Variants in PRIM2 observed in about 807,000 individuals in gnomAD.
The protein encoded by PRIM2 is DNA primase large subunit.
A neutral mutation model predicts 67.3 loss-of-function variants in PRIM2; 39 were observed. The ratio of observed to expected loss-of-function variants is 0.58; its 90% CI spans 0.45 to 0.76. The LOEUF (loss-of-function observed/expected upper bound fraction) is 0.76, where lower values mean the gene tolerates loss of function less well. Among genes scored for constraint, PRIM2 ranks in the 30% least tolerant of loss-of-function variants. PRIM2 has a pLI of 0.00. For missense variants in PRIM2, 398 were observed against 598.7 expected (o/e 0.66, Z 3.50); for synonymous variants, 143 against 198.7 (o/e 0.72, Z 2.36).
At chr6:57,553,025 G>A (rs1414400289) in intron 10 of PRIM2, among the ~76,000 whole-genome samples, 1 of 152,134 alleles carries the variant, frequency 6.6e-6, no homozygotes, top group African/African-American at 2.4e-5. Context: ...TTGTCAGAAT[G>A]AGTAAATATG....
rs1174627239 is a variant in PRIM2, at chr6:57,563,138, A to G, written c.1020+25513A>G. Among the ~76,000 whole-genome samples the G allele has an allele frequency of 3.3e-5, 5 of 152,148 alleles. No homozygotes were observed. The East Asian group carries it at 9.6e-4, about 29-fold the overall frequency. On this transcript the variant is annotated intron_variant, in intron 10 of 13. Transcript: ENST00000615550. ...CTCTATGTATAGTAAATTGACCATA[A>G]TATTAAGAGCTTTCCAGTATAGCCT...
At chr6:57,558,413 G>A (rs1438892005) in intron 10 of PRIM2, among the ~76,000 whole-genome samples, 3 of 152,116 alleles carry the variant, frequency 2.0e-5, no homozygotes, top group Non-Finnish European at 2.9e-5. Flanking sequence ...TGGACATACA[G>A]AATTGGGATG....
Position 57,646,452 on chromosome 6 carries a change from C to T in PRIM2, c.*294C>T. On this transcript the variant is annotated 3_prime_UTR_variant, in exon 14 of 14. Transcript: ENST00000615550. ...TCTCAGACTCCTGGGCTCAAGCGAT[C>T]CTCACACCTCAGCGTCCCAGAGTGC... 1 of 300,850 alleles carries T rather than the reference C, an allele frequency of 3.3e-6. No individual in the cohort carries two copies. The highest frequency in any genetic ancestry group is 5.3e-5 in the South Asian group (1 of 18,730). The allele number at this position is 300,850 out of a possible 1,614,324, so 18.6% of individuals were successfully genotyped here. A position where few individuals can be genotyped will look rare whatever the true frequency, so the allele number is the denominator to read the frequency against.
At chr6:57,305,174 C>T in the PRIM2 span, among the ~76,000 whole-genome samples, 6 of 107,938 alleles carry the variant, frequency 5.6e-5, no homozygotes, top group Non-Finnish European at 7.4e-5. Flanking sequence ...ATAACAGGAT[C>T]ATATTTACAA....
At chr6:57,453,100 A>G (rs1772615096) in intron 7 of PRIM2, among the ~76,000 whole-genome samples, 1 of 152,264 alleles carries the variant, frequency 6.6e-6, no homozygotes, top group East Asian at 1.9e-4. Flanking sequence ...GGTTGTAGAT[A>G]TGCGGCATTA....
At chr6:57,607,002 T>C (rs1221044512) in intron 12 of PRIM2, among the ~76,000 whole-genome samples, 2 of 152,206 alleles carry the variant, frequency 1.3e-5, no homozygotes, top group Non-Finnish European at 2.9e-5. Flanking sequence ...TGTTAAACAG[T>C]ACATTTTTTA....
At chr6:57,291,581 G>A in the PRIM2 span, among the ~76,000 whole-genome samples, 8 of 152,042 alleles carry the variant, frequency 5.3e-5, no homozygotes, top group Admixed American at 2.6e-4. Flanking sequence ...GATGAACATC[G>A]ATGCGAAAAT....
chr6:57,591,887 C>T (rs1365729029), intron 10 of PRIM2, among the ~76,000 whole-genome samples: 6 of 151,964 alleles, frequency 3.9e-5, no homozygotes, highest in African/African-American at 1.5e-4. Flanking sequence ...TATCACAGCA[C>T]TCCTCACAAT....
At chr6:57,529,272 T>C (rs2127467201) in intron 8 of PRIM2, among the ~76,000 whole-genome samples, 1 of 150,616 alleles carries the variant, frequency 6.6e-6, no homozygotes, top group East Asian at 2.0e-4. Flanking sequence ...ATCGCCCCAC[T>C]GCACTCCAGC....
chr6:57,541,878 C>T (rs1775163042), intron 10 of PRIM2, among the ~76,000 whole-genome samples: 2 of 151,988 alleles, frequency 1.3e-5, no homozygotes, highest in Admixed American at 1.3e-4. Flanking sequence ...TAATCATATC[C>T]AGAAACACCC....
the PRIM2 span, among the ~76,000 whole-genome samples, chr6:57,292,121 T>C: frequency 6.6e-6 from 1 of 152,194 alleles, no homozygotes; most frequent in Admixed American, 6.6e-5. Flanking sequence ...CCAAATCTCC[T>C]TAAGCTGATA....
chr6:57,256,669 A>T, the PRIM2 span, among the ~76,000 whole-genome samples: 1 of 144,228 alleles, frequency 6.9e-6, no homozygotes, highest in African/African-American at 2.6e-5. Flanking sequence ...CACACATGCC[A>T]TGCAGGCACA....
the PRIM2 span, among the ~76,000 whole-genome samples, chr6:57,268,649 A>G: frequency 6.6e-6 from 1 of 151,954 alleles, no homozygotes; most frequent in African/African-American, 2.4e-5. Context: ...TATTATTATT[A>G]TACTTTAAGT....
At chr6:57,373,672 C>T (rs1191402614) in intron 5 of PRIM2, among the ~76,000 whole-genome samples, 1 of 152,090 alleles carries the variant, frequency 6.6e-6, no homozygotes, top group East Asian at 1.9e-4. Flanking sequence ...TATGGCTAGC[C>T]AGTTCTCACA....
At chr6:57,443,692 A>G (rs1772274863) in intron 7 of PRIM2, among the ~76,000 whole-genome samples, 1 of 152,016 alleles carries the variant, frequency 6.6e-6, no homozygotes, top group Admixed American at 6.5e-5. Context: ...ACACTTGGAA[A>G]TATTTTCTCC....
At chr6:57,538,120 T>G (rs1193452299) in intron 10 of PRIM2, among the ~76,000 whole-genome samples, 2 of 152,040 alleles carry the variant, frequency 1.3e-5, no homozygotes, top group Non-Finnish European at 2.9e-5. Flanking sequence ...GCTCAAGTGA[T>G]CCTCCCACTT....
At chr6:57,451,626 G>A (rs1371996584) in intron 7 of PRIM2, among the ~76,000 whole-genome samples, 2 of 151,934 alleles carry the variant, frequency 1.3e-5, no homozygotes, top group East Asian at 3.9e-4. Context: ...TTCTTAATAG[G>A]TCCCGAAAGC....
intron 8 of PRIM2, among the ~76,000 whole-genome samples, chr6:57,510,759 GT>G (rs1215927220): frequency 6.6e-6 from 1 of 152,148 alleles, no homozygotes; most frequent in Non-Finnish European, 1.5e-5. Context: ...AGGTAACCTT[GT>G]TATAACGCCT....
the PRIM2 span, among the ~76,000 whole-genome samples, chr6:57,226,413 C>T: frequency 1.3e-5 from 2 of 152,088 alleles, no homozygotes; most frequent in African/African-American, 2.4e-5. Context: ...GCAGGAAGTA[C>T]GATGGCCTGA....
Sources: gnomAD v4.1 joint callset for allele counts (sites outside exome capture counted in the v4.1 genomes callset) on GRCh38, gnomAD v4.1.1 for gene constraint, MANE v1.5 for transcripts, NCBI Gene and HGNC (gene_info 2026-07-23, HGNC 2026-07-21) for gene names.